Variants in SND1 observed in about 807,000 individuals in gnomAD.
SND1 encodes staphylococcal nuclease domain-containing protein 1.
A neutral mutation model predicts 121.7 loss-of-function variants in SND1; 38 were observed. The ratio of observed to expected loss-of-function variants is 0.31; its 90% CI spans 0.24 to 0.41. SND1 has a LOEUF of 0.41. SND1 is among the 10% of genes least tolerant of loss of function. SND1 has a pLI of 1.00. For missense variants in SND1, 868 were observed against 1,184.6 expected (o/e 0.73, Z 3.92); for synonymous variants, 401 against 447.4 (o/e 0.90, Z 1.31).
intron 10 of SND1, among the ~76,000 whole-genome samples, chr7:127,744,673 G>A (rs1041752611): frequency 6.6e-6 from 1 of 152,170 alleles, no homozygotes; most frequent in Non-Finnish European, 1.5e-5. Flanking sequence ...AAAAGATAAT[G>A]TACTTGCTAA....
intron 12 of SND1, among the ~76,000 whole-genome samples, chr7:127,871,123 T>A (rs1270993729): frequency 1.3e-5 from 2 of 152,134 alleles, no homozygotes; most frequent in Non-Finnish European, 2.9e-5. Flanking sequence ...CACTGGAAGG[T>A]TTTCAGGGGG....
At chr7:127,838,320 A>G (rs1284679577) in intron 11 of SND1, among the ~76,000 whole-genome samples, 2 of 152,224 alleles carry the variant, frequency 1.3e-5, no homozygotes, top group African/African-American at 4.8e-5. Flanking sequence ...ATACTGATGC[A>G]CTGGTTCTTT....
At chr7:127,718,090 T>G (rs1002116213) in intron 9 of SND1, among the ~76,000 whole-genome samples, 1 of 152,180 alleles carries the variant, frequency 6.6e-6, no homozygotes, top group Non-Finnish European at 1.5e-5. Flanking sequence ...TTGGATTTAG[T>G]GCATGTATTT....
chr7:127,933,108 G>A (rs1306037045), intron 15 of SND1, among the ~76,000 whole-genome samples: 2 of 152,180 alleles, frequency 1.3e-5, no homozygotes, highest in Non-Finnish European at 2.9e-5. Context: ...AATGTATAGG[G>A]GAAAGAGAAC....
chr7:127,961,610 C>T (rs1801732143), intron 15 of SND1, among the ~76,000 whole-genome samples: 1 of 152,202 alleles, frequency 6.6e-6, no homozygotes, highest in African/African-American at 2.4e-5. Context: ...GTGAAATTGT[C>T]TAATCAGCCT....
At chr7:127,892,933 G>C (rs1800037291) in intron 13 of SND1, among the ~76,000 whole-genome samples, 1 of 151,926 alleles carries the variant, frequency 6.6e-6, no homozygotes, top group South Asian at 2.1e-4. Flanking sequence ...GCATGTTCCT[G>C]TTTGATTCCC....
chr7:128,025,216 C>A (rs935113277), intron 16 of SND1, among the ~76,000 whole-genome samples: 1 of 152,172 alleles, frequency 6.6e-6, no homozygotes, highest in African/African-American at 2.4e-5. Context: ...AGAACACAGA[C>A]GTATCTTAGG....
chr7:127,738,599 G>A (rs1239404479), intron 10 of SND1, among the ~76,000 whole-genome samples: 1 of 152,046 alleles, frequency 6.6e-6, no homozygotes, highest in African/African-American at 2.4e-5. Context: ...TTTTTTTAAG[G>A]CTAACGTGTT....
At chr7:127,714,509 G>A (rs1436424411) in intron 9 of SND1, among the ~76,000 whole-genome samples, 3 of 152,200 alleles carry the variant, frequency 2.0e-5, no homozygotes, top group African/African-American at 4.8e-5. Flanking sequence ...ATAATATGTA[G>A]TATCTTAACG....
rs1037093091 is a variant in SND1 at position 127,903,262 on chromosome 7, G to C, written c.1455-1485G>C. Among the ~76,000 whole-genome samples the C allele has an allele frequency of 3.8e-4, 58 of 152,134 alleles. 1 individual carries two copies. Among genetic ancestry groups the C allele is most frequent in the African/African-American group, 1.1e-3 (47 of 41,504 alleles). ...TGGTCTCGAACTCCTGACCTCAAGT[G>C]ATCTGCCCGCCTTGGCTTCCCAAAG... On this transcript the variant is annotated intron_variant, in intron 13 of 23. Coordinates refer to ENST00000354725, the MANE Select transcript of SND1 (RefSeq NM_014390.4).
At chr7:128,058,671 C>A (rs1405324985) in intron 16 of SND1, among the ~76,000 whole-genome samples, 2 of 152,222 alleles carry the variant, frequency 1.3e-5, no homozygotes, top group Non-Finnish European at 2.9e-5. Context: ...GCCTTTTTCT[C>A]CTCTTTCTGA....
chr7:127,893,126 C>T (rs1563049986), intron 13 of SND1, among the ~76,000 whole-genome samples: 1 of 152,082 alleles, frequency 6.6e-6, no homozygotes. Context: ...TTACCGGGAC[C>T]CTTTTTACTT....
intron 10 of SND1, among the ~76,000 whole-genome samples, chr7:127,787,700 G>T (rs748664906): frequency 6.6e-6 from 1 of 152,028 alleles, no homozygotes; most frequent in Non-Finnish European, 1.5e-5. Context: ...CTCCCAATTT[G>T]GATTAAAACT....
intron 15 of SND1, among the ~76,000 whole-genome samples, chr7:127,945,485 C>A (rs1801310002): frequency 6.6e-6 from 1 of 150,842 alleles, no homozygotes; most frequent in Non-Finnish European, 1.5e-5. Context: ...AGCGAGACTC[C>A]ATCTCAAAAA....
intron 15 of SND1, among the ~76,000 whole-genome samples, chr7:127,960,020 C>T (rs1393916336): frequency 6.6e-6 from 1 of 152,108 alleles, no homozygotes; most frequent in Non-Finnish European, 1.5e-5. Context: ...CTATTCTTGC[C>T]CAGGTGGAAA....
intron 12 of SND1, among the ~76,000 whole-genome samples, chr7:127,852,365 A>G (rs1799180843): frequency 6.7e-6 from 1 of 150,036 alleles, no homozygotes; most frequent in African/African-American, 2.5e-5. Context: ...GTGGGCACCT[A>G]TAATCTCAGC....
At chr7:127,988,505 A>G (rs1231266976) in intron 15 of SND1, among the ~76,000 whole-genome samples, 1 of 152,126 alleles carries the variant, frequency 6.6e-6, no homozygotes, top group Non-Finnish European at 1.5e-5. Context: ...ATCTCATGAA[A>G]AATGTTTTGA....
intron 10 of SND1, among the ~76,000 whole-genome samples, chr7:127,729,439 CTTTTTTTTTTTT>C (rs10712716): frequency 3.1e-5 from 3 of 97,360 alleles, no homozygotes; most frequent in East Asian, 5.7e-4. Flanking sequence ...AGATAAATTA[CTTTTTTTTTTTT>C]TTTTTTTTTT....
rs983723150 is a variant in SND1, at chr7:127,944,783, A to G, written c.1669+15454A>G. On this transcript the variant is annotated intron_variant, in intron 15 of 23. Transcript: ENST00000354725. ...GTAAGACCAAGACCAGAAAAGGTCTATTCAGATAAGGGGTAGTGTTTATTT... is the reference window on the plus strand; with the variant it reads ...GTAAGACCAAGACCAGAAAAGGTCTGTTCAGATAAGGGGTAGTGTTTATTT... Among the ~76,000 whole-genome samples the G allele has an allele frequency of 3.3e-5, 5 of 152,200 alleles. 1 individual carries two copies. Among genetic ancestry groups the G allele is most frequent in the Admixed American group, 3.3e-4 (5 of 15,284 alleles).
Sources: gnomAD v4.1 joint callset for allele counts (sites outside exome capture counted in the v4.1 genomes callset) on GRCh38, gnomAD v4.1.1 for gene constraint, MANE v1.5 for transcripts, NCBI Gene and HGNC (gene_info 2026-07-23, HGNC 2026-07-21) for gene names.